The following THG1L variants were observed in gnomAD, a reference collection of about 807,000 sequenced individuals.
THG1L encodes the protein probable tRNA(His) guanylyltransferase.
Under a neutral mutation model 35.2 loss-of-function variants are expected in THG1L, and 27 were observed. The ratio of observed to expected loss-of-function variants is 0.77; its 90% CI spans 0.57 to 1.06. The LOEUF is 1.06. Ranked by LOEUF, THG1L falls within the 50% of genes least tolerant of loss-of-function variation. The probability of loss-of-function intolerance (pLI) is 0.00; values close to 1 mark genes in which losing one functional copy is unlikely to be tolerated. For synonymous variants in THG1L, 135 were observed against 132.4 expected (o/e 1.02, Z -0.14); for missense variants, 377 against 371.8 (o/e 1.01, Z -0.12).
At chr5:157,732,523 A>G (rs1406083283) in intron 1 of THG1L, among the ~76,000 whole-genome samples, 1 of 152,192 alleles carries the variant, frequency 6.6e-6, no homozygotes, top group African/African-American at 2.4e-5. Context: ...TGCATTGTTA[A>G]TGATTATTAT....
chr5:157,733,145 C>A, intron 2 of THG1L, 101 bp downstream of exon 2: 1 of 1,395,140 alleles, frequency 7.2e-7, no homozygotes, highest in Non-Finnish European at 9.9e-7. Context: ...ATGATGTCTG[C>A]AGTATTTGTA....
chr5:157,732,857 C>T lies in THG1L; in HGVS notation c.192-11C>T. 1 of 1,613,562 alleles carries T rather than the reference C, an allele frequency of 6.2e-7. No individual in the cohort carries two copies. ...TCCATCCATGCTTTCTTCCCTTTTT[C>T]CCCTGTGAAGGTTTGCTGAGAAGCA... On this transcript the variant is annotated splice_polypyrimidine_tract_variant and intron_variant, in intron 1 of 5. Coordinates refer to ENST00000231198, the MANE Select transcript of THG1L (RefSeq NM_017872.5).
chr5:157,735,407 C>T (rs1760845787), intron 3 of THG1L, among the ~76,000 whole-genome samples: 1 of 152,182 alleles, frequency 6.6e-6, no homozygotes, highest in Non-Finnish European at 1.5e-5. Context: ...TGGGGTCACC[C>T]ACTGCTTTAC....
At position 157,739,432 on chromosome 5, in the gene THG1L, G is replaced by T; in HGVS notation, c.847G>T (p.Gly283Trp). 6.2e-7 allele frequency: 1 copy of T among 1,613,646 alleles called. No homozygotes were observed. The highest frequency in any genetic ancestry group is 8.5e-7 in the Non-Finnish European group (1 of 1,179,770). The change falls in exon 6 of 6, where the codon GGG becomes TGG. Residue 283 changes from glycine to tryptophan, a missense_variant. Coordinates refer to ENST00000231198, the MANE Select transcript of THG1L (RefSeq NM_017872.5). ...AGTGCCCTTGCACTGCGATATCATC[G>T]GGGATGCTTTCTGGAAGGAACATCC... Reference protein sequence around the residue: ...KPVPLHCDIIGDAFWKEHPEI... With the variant: ...KPVPLHCDIIWDAFWKEHPEI...
At chr5:157,738,102 G>T in intron 5 of THG1L, 108 bp downstream of exon 5, 1 of 819,008 alleles carries the variant, frequency 1.2e-6, no homozygotes, top group South Asian at 1.6e-5. Flanking sequence ...TACTCCAGTT[G>T]CTAATGCAAA....
intron 5 of THG1L, 144 bp from the exon 6 acceptor site, chr5:157,739,177 A>G (rs992529672): frequency 4.8e-6 from 3 of 628,300 alleles, no homozygotes; most frequent in Admixed American, 6.3e-5. Context: ...GCGCATATAT[A>G]TACACATATT....
At chr5:157,731,699 C>T (rs754335617) in intron 1 of THG1L, 68 bp downstream of exon 1, 82 of 1,524,344 alleles carry the variant, frequency 5.4e-5, no homozygotes, top group East Asian at 6.9e-5. Flanking sequence ...TCTTCCCTTG[C>T]AAGTCCTCCC....
Position 157,731,651 on chromosome 5 carries a change from G to A in THG1L, c.191+20G>A. The A allele has an allele frequency of 1.3e-6, 2 of 1,578,786 alleles. No individual in the cohort carries two copies. The highest frequency in any genetic ancestry group is 4.6e-5 in the East Asian group (2 of 43,546). On this transcript the variant is annotated intron_variant, in intron 1 of 5. Coordinates refer to ENST00000231198, the MANE Select transcript of THG1L (RefSeq NM_017872.5). ...CCATCGGTGAGCGAGCTCGACTCGG[G>A]GCGTCGCGATGCGCCAGCGCTTCCG... is the stretch of plus-strand genomic sequence containing the variant.
rs955511497 is a variant in THG1L at position 157,740,623 on chromosome 5, T to C, written c.*1141T>C. ...TTGGCCCCATTAAGAATTAAGAGGC[T>C]GGGTGCGGTGGCTCACGTCTGTAAT... On this transcript the variant is annotated 3_prime_UTR_variant, in exon 6 of 6. Coordinates refer to ENST00000231198, the MANE Select transcript of THG1L (RefSeq NM_017872.5). 6.6e-5 allele frequency: 10 copies of C among 152,190 alleles called. No homozygotes were observed. The highest frequency in any genetic ancestry group is 2.0e-4 in the Admixed American group (3 of 15,278). The allele number at this position is 152,190 out of a possible 1,614,324, so 9.4% of individuals were successfully genotyped here. A position where few individuals can be genotyped will look rare whatever the true frequency, so the allele number is the denominator to read the frequency against.
In THG1L at chr5:157,741,095, A is replaced by G. The variant is rs952580278; in HGVS notation, c.*1613A>G. On this transcript the variant is annotated 3_prime_UTR_variant, in exon 6 of 6. Transcript: ENST00000231198. Reference sequence around the variant, plus strand: ...GTGGCGTGTGCCTGCAATACCAGCTACTCAGAAGGCTGAAGCAGGATAATT... The same window carrying G: ...GTGGCGTGTGCCTGCAATACCAGCTGCTCAGAAGGCTGAAGCAGGATAATT... 6.6e-6 allele frequency: 1 copy of G among 151,984 alleles called. No individual in the cohort carries two copies. The highest frequency in any genetic ancestry group is 2.4e-5 in the African/African-American group (1 of 41,296). 9.4% of individuals were successfully genotyped at this position (151,984 alleles called of 1,614,324 possible). A position where few individuals can be genotyped will look rare whatever the true frequency, so the allele number is the denominator to read the frequency against.
At position 157,740,328 on chromosome 5, in the gene THG1L, T is replaced by C. The variant is rs1761002904; in HGVS notation, c.*846T>C. On this transcript the variant is annotated 3_prime_UTR_variant, in exon 6 of 6. Transcript: ENST00000231198. ...GAAAAACATTCTCACATAGCCTCTA[T>C]GTAATCAGACAAATGACATTTGATT... 1 of 152,216 alleles carries C rather than the reference T, an allele frequency of 6.6e-6. No individual in the cohort carries two copies. Among genetic ancestry groups the C allele is most frequent in the African/African-American group, 2.4e-5 (1 of 41,462 alleles). 9.4% of individuals were successfully genotyped at this position (152,216 alleles called of 1,614,324 possible).
rs964719868 is a variant in THG1L at position 157,733,137 on chromosome 5, G to A, written c.368+93G>A. 4 of 1,433,006 alleles carry A rather than the reference G, an allele frequency of 2.8e-6. No individual in the cohort carries two copies. The Admixed American group carries it at 5.7e-5, about 20-fold the overall frequency. 88.8% of individuals were successfully genotyped at this position (1,433,006 alleles called of 1,614,324 possible). A position where few individuals can be genotyped will look rare whatever the true frequency, so the allele number is the denominator to read the frequency against. On this transcript the variant is annotated intron_variant, in intron 2 of 5. Coordinates refer to ENST00000231198, the MANE Select transcript of THG1L (RefSeq NM_017872.5). ...AATCGCAGACTTACAGGCTACAGATGATGTCTGCAGTATTTGTAACTGCAG... is the reference window on the plus strand; with the variant it reads ...AATCGCAGACTTACAGGCTACAGATAATGTCTGCAGTATTTGTAACTGCAG...
At chr5:157,732,453 AAGAG>A (rs1198441142) in intron 1 of THG1L, among the ~76,000 whole-genome samples, 2 of 152,078 alleles carry the variant, frequency 1.3e-5, no homozygotes, top group Non-Finnish European at 2.9e-5. Context: ...GTCTCAGAAA[AAGAG>A]GGAGGGGGAG....
In THG1L at chr5:157,731,539, C is replaced by G. The variant is rs758288514; in HGVS notation, c.99C>G (p.Ser33Arg). 1.2e-6 allele frequency: 2 copies of G among 1,612,800 alleles called. No individual in the cohort carries two copies. Among genetic ancestry groups the G allele is most frequent in the Non-Finnish European group, 1.7e-6 (2 of 1,179,400 alleles). The change falls in exon 1 of 6, where the codon AGC becomes AGG. Residue 33 changes from serine to arginine, a missense_variant. Coordinates refer to ENST00000231198, the MANE Select transcript of THG1L (RefSeq NM_017872.5). ...GATTGGGGGCGACCATGGCAAAAAG[C>G]AAGTTCGAGTACGTGAGGGACTTCG... The part of the protein sequence containing the change: ...YLRLGATMAK[S>R]KFEYVRDFEA...
At chr5:157,738,651 TCCAC>T in intron 5 of THG1L, 1 of 437,610 alleles carries the variant, frequency 2.3e-6, no homozygotes. Flanking sequence ...AGCTAGTCAT[TCCAC>T]TGGCAACTCC....
chr5:157,737,809 T>G, intron 4 of THG1L, 78 bp from the exon 5 acceptor site: 1 of 1,094,796 alleles, frequency 9.1e-7, no homozygotes, highest in South Asian at 1.5e-5. Flanking sequence ...GAAATTTAGG[T>G]TGTGGGTCGA....
intron 1 of THG1L, among the ~76,000 whole-genome samples, chr5:157,732,182 T>A (rs1760740160): frequency 7.1e-6 from 1 of 141,120 alleles, no homozygotes; most frequent in Admixed American, 7.6e-5. Flanking sequence ...TTTTGTTTTT[T>A]CTGTGGTTGT....
chr5:157,735,163 C>T (rs1760837960), intron 3 of THG1L, among the ~76,000 whole-genome samples: 1 of 152,162 alleles, frequency 6.6e-6, no homozygotes, highest in Non-Finnish European at 1.5e-5. Context: ...GTCTTGAACT[C>T]CTGACCTCAG....
chr5:157,734,360 C>T (rs1760811187), intron 2 of THG1L, among the ~76,000 whole-genome samples: 1 of 152,116 alleles, frequency 6.6e-6, no homozygotes, highest in Non-Finnish European at 1.5e-5. Context: ...TGCACTCCAG[C>T]CCAGGCAACA....
Sources: gnomAD v4.1 joint callset for allele counts (sites outside exome capture counted in the v4.1 genomes callset) on GRCh38, gnomAD v4.1.1 for gene constraint, MANE v1.5 for transcripts, NCBI Gene and HGNC (gene_info 2026-07-23, HGNC 2026-07-21) for gene names.